The following ALAS1 variants were observed in gnomAD, a reference collection of about 807,000 sequenced individuals.
ALAS1 encodes the protein 5'-aminolevulinate synthase 1, also known as 5-aminolevulinate synthase, non-specific, mitochondrial.
Under a neutral mutation model 59.6 loss-of-function variants are expected in ALAS1, and 29 were observed. The ratio of observed to expected loss-of-function variants is 0.49; its 90% CI spans 0.36 to 0.66. The LOEUF is 0.66. Ranked by LOEUF, ALAS1 falls within the 30% of genes least tolerant of loss-of-function variation. The pLI, the probability that ALAS1 is intolerant of heterozygous loss-of-function variation, is 0.00. For synonymous variants in ALAS1, 299 were observed against 296.6 expected, an observed-to-expected ratio of 1.01 and a Z score of -0.08; for missense variants, 690 against 807.5, an observed-to-expected ratio of 0.85 and a Z score of 1.76.
intron 8 of ALAS1, among the ~76,000 whole-genome samples, 177 bp downstream of exon 8, chr3:52,206,928 G>A (rs1218215368): frequency 4.6e-5 from 7 of 151,836 alleles, no homozygotes; most frequent in Non-Finnish European, 1.0e-4. Flanking sequence ...TCCGCCTCCC[G>A]GGTTCACGTC....
At position 52,214,296 on chromosome 3, in the gene ALAS1, A is replaced by T; in HGVS notation, c.*116A>T. ...AAATTTTAATCTATAGTAAAAACAT[A>T]GTCCTGGAAATAAATTCTTGCTTAA... is the stretch of plus-strand genomic sequence containing the variant. On this transcript the variant is annotated 3_prime_UTR_variant, in exon 12 of 12. Transcript: ENST00000484952. The T allele has an allele frequency of 1.0e-6, 1 of 989,888 alleles. No homozygotes were observed. The highest frequency in any genetic ancestry group is 1.4e-6 in the Non-Finnish European group (1 of 701,216). 61.3% of individuals were successfully genotyped at this position (989,888 alleles called of 1,614,324 possible).
At chr3:52,209,584 G>T (rs1469962911) in intron 9 of ALAS1, among the ~76,000 whole-genome samples, 3 of 152,246 alleles carry the variant, frequency 2.0e-5, no homozygotes, top group Non-Finnish European at 4.4e-5. Flanking sequence ...GAAAAGGCTG[G>T]AGAGAGAAAC....
chr3:52,212,705 A>G (rs1392689803), intron 11 of ALAS1, among the ~76,000 whole-genome samples: 1 of 151,624 alleles, frequency 6.6e-6, no homozygotes, highest in Non-Finnish European at 1.5e-5. Flanking sequence ...CTGATTTTGT[A>G]TTTTTAGTAG....
chr3:52,208,342 T>A (rs1699337216), intron 9 of ALAS1, 95 bp downstream of exon 9: 1 of 1,371,804 alleles, frequency 7.3e-7, no homozygotes, highest in Admixed American at 2.0e-5. Flanking sequence ...GGAGACAGCC[T>A]GACAGCATAT....
intron 4 of ALAS1, 140 bp from the exon 5 acceptor site, chr3:52,203,723 C>A: frequency 1.1e-6 from 1 of 870,664 alleles, no homozygotes; most frequent in Non-Finnish European, 1.7e-6. Context: ...GCTTTGTACA[C>A]TCAGTTATAA....
chr3:52,206,840 A>ATTT, intron 8 of ALAS1, 89 bp downstream of exon 8: 8 of 1,168,028 alleles, frequency 6.8e-6, no homozygotes, highest in Non-Finnish European at 9.3e-6. Context: ...GTGTTTTTTA[A>ATTT]TTTTTTTTTT....
At chr3:52,201,796 T>A (rs564573361) in intron 3 of ALAS1, among the ~76,000 whole-genome samples, 2 of 152,282 alleles carry the variant, frequency 1.3e-5, no homozygotes, top group East Asian at 1.9e-4. Flanking sequence ...GAAAAAAATG[T>A]GTGTGAATAT....
intron 3 of ALAS1, among the ~76,000 whole-genome samples, chr3:52,200,567 C>T (rs2107262402): frequency 6.6e-6 from 1 of 152,284 alleles, no homozygotes; most frequent in South Asian, 2.1e-4. Flanking sequence ...TGAAACCCCA[C>T]TGTTACAAAA....
At chr3:52,205,278 A>G (rs576769101) in intron 6 of ALAS1, among the ~76,000 whole-genome samples, 1 of 152,256 alleles carries the variant, frequency 6.6e-6, no homozygotes, top group South Asian at 2.1e-4. Flanking sequence ...GCTAGAGAAA[A>G]AGCTACTCCA....
In ALAS1 at chr3:52,200,640, G is replaced by A. The variant is rs533664800; in HGVS notation, c.199+1200G>A. Among the ~76,000 whole-genome samples the A allele has an allele frequency of 6.6e-5, 10 of 152,326 alleles. No homozygotes were observed. In the South Asian group the frequency reaches 1.0e-3, roughly 16 times the overall value. ...AATCCCAGCTATTTGGGAGGCTGAG[G>A]CATGAGAATTGCTTGAACCCGGGAG... On this transcript the variant is annotated intron_variant, in intron 3 of 11. Coordinates refer to ENST00000484952, the MANE Select transcript of ALAS1 (RefSeq NM_000688.6).
chr3:52,198,419 C>A lies in ALAS1; in HGVS notation c.-210+164C>A, dbSNP rs1312587074. Reference sequence around the variant, plus strand: ...CCTCCAGATCTTTTGCCTAGACGGCCGCCTCAGTTTCCCCCTTTCGGCCCC... The same window carrying A: ...CCTCCAGATCTTTTGCCTAGACGGCAGCCTCAGTTTCCCCCTTTCGGCCCC... On this transcript the variant is annotated intron_variant, in intron 1 of 11. Coordinates refer to ENST00000484952, the MANE Select transcript of ALAS1 (RefSeq NM_000688.6). Among the ~76,000 whole-genome samples, 8 of 152,316 alleles carry A rather than the reference C, an allele frequency of 5.3e-5. 1 individual carries two copies. The Middle Eastern group carries it at 0.01, about 194-fold the overall frequency.
rs1302306066 is a variant in ALAS1 at position 52,206,013 on chromosome 3, G to A, written c.975G>A (p.Lys325=). The part of the protein sequence containing the change: ...ANDSTLFTLA[K]MMPGCEIYSD... ...ACTCAACCCTCTTCACCCTGGCTAAGATGATGCCAGGTAAGGAAGCCTGGC... is the reference window on the plus strand; with the variant it reads ...ACTCAACCCTCTTCACCCTGGCTAAAATGATGCCAGGTAAGGAAGCCTGGC... The change falls in exon 7 of 12, where the codon AAG becomes AAA. Residue 325 remains lysine (K), a synonymous_variant. Coordinates refer to ENST00000484952, the MANE Select transcript of ALAS1 (RefSeq NM_000688.6). The A allele has an allele frequency of 1.3e-6, 2 of 1,598,010 alleles. No homozygotes were observed. The highest frequency in any genetic ancestry group is 1.7e-6 in the Non-Finnish European group (2 of 1,170,426).
At chr3:52,200,682 G>C (rs956862191) in intron 3 of ALAS1, among the ~76,000 whole-genome samples, 7 of 152,206 alleles carry the variant, frequency 4.6e-5, no homozygotes, top group African/African-American at 1.4e-4. Context: ...GTTGCAGTGA[G>C]CTGAGATCAT....
intron 6 of ALAS1, among the ~76,000 whole-genome samples, chr3:52,205,402 G>C (rs1330123505): frequency 6.6e-6 from 1 of 152,130 alleles, no homozygotes; most frequent in Non-Finnish European, 1.5e-5. Flanking sequence ...TGCTAAAGAG[G>C]GTCCCGGTTT....
At chr3:52,202,756 A>G in intron 4 of ALAS1, 22 bp downstream of exon 4, 1 of 1,605,938 alleles carries the variant, frequency 6.2e-7, no homozygotes, top group Non-Finnish European at 8.5e-7. Flanking sequence ...GTTGTGAACC[A>G]TTAGTGGTAG....
intron 6 of ALAS1, 53 bp downstream of exon 6, chr3:52,204,968 A>T (rs1699264349): frequency 2.0e-6 from 3 of 1,485,400 alleles, no homozygotes; most frequent in Non-Finnish European, 2.8e-6. Context: ...CAAGCCAATG[A>T]TGATGTATAG....
chr3:52,212,538 T>C (rs764667191), intron 11 of ALAS1, 118 bp downstream of exon 11: 4 of 1,179,596 alleles, frequency 3.4e-6, no homozygotes, highest in Admixed American at 2.1e-5. Context: ...CTTTTTTTAG[T>C]TTTTTTTTTG....
chr3:52,213,230 T>G (rs1351533181), intron 11 of ALAS1, among the ~76,000 whole-genome samples: 1 of 152,200 alleles, frequency 6.6e-6, no homozygotes, highest in Non-Finnish European at 1.5e-5. Flanking sequence ...AAGGCAGAGA[T>G]GGAAGGGGGC....
rs1699125742 is a variant in ALAS1 at position 52,198,844 on chromosome 3, T to C, written c.-37T>C. Reference sequence around the variant, plus strand: ...ATGGATGAGTGGCTTCTTCTCCACCTAGATGTAAGCCAAGATGTCTTATCT... The same window carrying C: ...ATGGATGAGTGGCTTCTTCTCCACCCAGATGTAAGCCAAGATGTCTTATCT... On this transcript the variant is annotated 5_prime_UTR_variant, in exon 2 of 12. The change abolishes the stop of an existing upstream ORF in the 5' untranslated region. Transcript: ENST00000484952. 1 of 1,535,718 alleles carries C rather than the reference T, an allele frequency of 6.5e-7. No homozygotes were observed. Among genetic ancestry groups the C allele is most frequent in the Non-Finnish European group, 8.7e-7 (1 of 1,146,902 alleles).
Sources: allele counts gnomAD v4.1 joint callset (sites outside exome capture counted in the v4.1 genomes callset), GRCh38; gene constraint gnomAD v4.1.1; transcripts MANE v1.5; gene names NCBI Gene and HGNC (gene_info 2026-07-23, HGNC 2026-07-21).